Variants in ADGRB2 observed in about 807,000 individuals in gnomAD.
ADGRB2 encodes adhesion G protein-coupled receptor B2.
ADGRB2 carries 47 observed loss-of-function variants against 178.7 expected under a neutral mutation model. The observed-to-expected ratio is 0.26, with a 90% CI of 0.21 to 0.34. ADGRB2 has a LOEUF of 0.34. Among genes scored for constraint, ADGRB2 ranks in the 10% least tolerant of loss-of-function variants. The pLI is 1.00. For missense variants in ADGRB2, 1,584 were observed against 2,180.8 expected (o/e 0.73, Z 5.45); for synonymous variants, 870 against 912.4 (o/e 0.95, Z 0.84).
chr1:31,741,304 G>A lies in ADGRB2; in HGVS notation c.1794+69C>T, dbSNP rs1051615511. On this transcript the variant is annotated intron_variant, in intron 11 of 32. Transcript: ENST00000373658. This position sits in a 1 kb window ranked among gnomAD's most constrained non-coding sequence, Gnocchi z 6.5. ...GCACGTGGGAACGAGCGAGAATCAC[G>A]CTCCCTCCACCCCCTAGCAGAGTCT... 2.3e-5 allele frequency: 34 copies of A among 1,461,354 alleles called. No individual in the cohort carries two copies. Among genetic ancestry groups the A allele is most frequent in the African/African-American group, 2.8e-5 (2 of 71,264 alleles). 90.5% of individuals were successfully genotyped at this position (1,461,354 alleles called of 1,614,324 possible).
chr1:31,738,803 C>A, intron 16 of ADGRB2, 29 bp downstream of exon 16: 1 of 1,612,198 alleles, frequency 6.2e-7, no homozygotes, highest in Non-Finnish European at 8.5e-7. Context: ...TGAGGTGCAC[C>A]CAAGGTCTCT....
In ADGRB2 at chr1:31,761,790, T is replaced by C. The variant is rs992532835; in HGVS notation, c.-191+2094A>G. 2.0e-5 allele frequency among the ~76,000 whole-genome samples: 3 copies of C among 151,742 alleles called. No homozygotes were observed. The highest frequency in any genetic ancestry group is 6.6e-5 in the Admixed American group (1 of 15,238). Reference sequence around the variant, plus strand: ...CATTTTTCTCCTTTGGGATTAGGAGTGGAGTGGAGAGGGGCCTGACCTTGG... The same window carrying C: ...CATTTTTCTCCTTTGGGATTAGGAGCGGAGTGGAGAGGGGCCTGACCTTGG... On this transcript the variant is annotated intron_variant, in intron 1 of 32. Coordinates refer to ENST00000373658, the MANE Select transcript of ADGRB2 (RefSeq NM_001364857.2). This position sits in a 1 kb window ranked among gnomAD's most constrained non-coding sequence, Gnocchi z 4.2.
chr1:31,732,212 G>C, intron 27 of ADGRB2, 58 bp from the exon 28 acceptor site: 13 of 1,609,414 alleles, frequency 8.1e-6, no homozygotes, highest in Non-Finnish European at 8.5e-6. Flanking sequence ...ATCAGGGTGG[G>C]AGGAGGCTCA....
chr1:31,739,043 G>T, intron 15 of ADGRB2, 106 bp from the exon 16 acceptor site: 1 of 1,070,044 alleles, frequency 9.3e-7, no homozygotes, highest in Non-Finnish European at 1.4e-6. Context: ...AGGAGCCAAG[G>T]CCCAGGGGAA....
Position 31,741,418 on chromosome 1 carries a change from G to A in ADGRB2, c.1749C>T (p.Ser583=). Residue 583 remains serine (S), a synonymous_variant, in exon 11 of 33, where the codon AGC becomes AGT. Coordinates refer to ENST00000373658, the MANE Select transcript of ADGRB2 (RefSeq NM_001364857.2). This position sits in a 1 kb window ranked among gnomAD's most constrained non-coding sequence, Gnocchi z 6.5. ...AQGVAYWGLP[S]FARCISHEYR... ...ACTCATGGGAGATGCAGCGAGCAAA[G>A]CTGGGCAGCCCCCAGTACGCCACGC... The A allele has an allele frequency of 1.2e-6, 2 of 1,607,470 alleles. No individual in the cohort carries two copies. The highest frequency in any genetic ancestry group is 1.7e-6 in the Non-Finnish European group (2 of 1,177,252).
At position 31,733,431 on chromosome 1, in the gene ADGRB2, G is replaced by A. The variant is rs1273093086; in HGVS notation, c.3453-288C>T. 2.0e-5 allele frequency among the ~76,000 whole-genome samples: 3 copies of A among 152,222 alleles called. No homozygotes were observed. Among genetic ancestry groups the A allele is most frequent in the African/African-American group, 7.2e-5 (3 of 41,452 alleles). On this transcript the variant is annotated intron_variant, in intron 25 of 32. Coordinates refer to ENST00000373658, the MANE Select transcript of ADGRB2 (RefSeq NM_001364857.2). This position sits in a 1 kb window ranked among gnomAD's most constrained non-coding sequence, Gnocchi z 4.3. The stretch of plus-strand genomic sequence containing the variant: ...GCCACAGACAGTGGAAAGGGACGGG[G>A]AGAGAGAAGAGGAGGCAGACAGATG...
chr1:31,750,469 C>T (rs1431627755), intron 4 of ADGRB2, among the ~76,000 whole-genome samples: 3 of 152,178 alleles, frequency 2.0e-5, no homozygotes, highest in Admixed American at 2.0e-4. Context: ...ACTGCAGATA[C>T]CTGCTATGCT....
chr1:31,748,633 G>A (rs1023088296), intron 4 of ADGRB2, among the ~76,000 whole-genome samples: 1 of 152,250 alleles, frequency 6.6e-6, no homozygotes, highest in Non-Finnish European at 1.5e-5. Flanking sequence ...ACTCCTGAGT[G>A]TTCCACCCAG....
chr1:31,744,348 G>T lies in ADGRB2; in HGVS notation c.932C>A (p.Ala311Glu). Reference protein sequence around the residue: ...GLYMAQTGDPAAEEWSPWSVC... With the variant: ...GLYMAQTGDPEAEEWSPWSVC... ...GCTCCACGGGGACCACTCCTCAGCC[G>T]CCGGGTCGCCTACGAGAGAGGGACA... Residue 311 changes from alanine (A) to glutamate (E), a missense_variant, in exon 6 of 33, where the codon GCG becomes GAG. Ala to Glu is a moderately radical substitution (Grantham distance 107). This residue lies in a region of ADGRB2 where 657 missense variants were observed against 847.6 expected (regional missense o/e 0.78). Transcript: ENST00000373658. This position sits in a 1 kb window ranked among gnomAD's most constrained non-coding sequence, Gnocchi z 6.7. 1.9e-6 allele frequency: 3 copies of T among 1,550,290 alleles called. No homozygotes were observed. The highest frequency in any genetic ancestry group is 1.2e-5 in the South Asian group (1 of 84,000).
In ADGRB2 at chr1:31,728,093, G is replaced by GCT; in HGVS notation, c.4516-13_4516-12insAG. On this transcript the variant is annotated splice_polypyrimidine_tract_variant and intron_variant, in intron 31 of 32. Coordinates refer to ENST00000373658, the MANE Select transcript of ADGRB2 (RefSeq NM_001364857.2). The surrounding 1 kb of genome is among the most constrained non-coding windows in gnomAD (Gnocchi z 6.7). ...CACCGCTTCTCCCTCTGCAACGGGG[G>GCT]CCACCGGTCAGGCTCCAACCCCAGG... 6.2e-7 allele frequency: 1 copy of GCT among 1,609,954 alleles called. No homozygotes were observed.
Position 31,735,685 on chromosome 1 carries a change from G to A in ADGRB2, c.3268-20C>T, listed in dbSNP as rs758987679. The A allele has an allele frequency of 1.5e-5, 24 of 1,582,496 alleles. No homozygotes were observed. The highest frequency in any genetic ancestry group is 1.9e-5 in the Non-Finnish European group (22 of 1,159,812). ...GTTCACCTGGGGGCCCAGTAGAGTG[G>A]AGTGGGGGAGACAGGATCACCAGGT... On this transcript the variant is annotated intron_variant, in intron 23 of 32. Coordinates refer to ENST00000373658, the MANE Select transcript of ADGRB2 (RefSeq NM_001364857.2). This position sits in a 1 kb window ranked among gnomAD's most constrained non-coding sequence, Gnocchi z 6.0.
Position 31,756,064 on chromosome 1 carries a change from G to A in ADGRB2, c.773C>T (p.Pro258Leu). The A allele has an allele frequency of 1.2e-6, 2 of 1,614,076 alleles. No individual in the cohort carries two copies. Among genetic ancestry groups the A allele is most frequent in the Non-Finnish European group, 1.7e-6 (2 of 1,180,006 alleles). The change falls in exon 4 of 33, where the codon CCA becomes CTA. Residue 258 changes from proline to leucine, a missense_variant. Around this residue, in one of 3 missense-constraint regions of ADGRB2, gnomAD observed 657 missense variants for 847.6 expected, o/e 0.78. Transcript: ENST00000373658. This position sits in a 1 kb window ranked among gnomAD's most constrained non-coding sequence, Gnocchi z 8.5. ...SNALVPGGPA[P>L]PAEADLHSGS... is the part of the protein sequence containing the mutation. ...CGAGTGCAAATCGGCCTCAGCAGGT[G>A]GGGCTGGGCCCCCGGGCACCAGGGC...
rs1489522110 is a variant in ADGRB2, at chr1:31,731,017, G to A, written c.4163C>T (p.Thr1388Ile). 1 of 1,584,862 alleles carries A rather than the reference G, an allele frequency of 6.3e-7. No individual in the cohort carries two copies. The highest frequency in any genetic ancestry group is 8.6e-7 in the Non-Finnish European group (1 of 1,163,086). The change falls in exon 29 of 33, where the codon ACA becomes ATA. Residue 1388 changes from threonine (T) to isoleucine (I), a missense_variant. Coordinates refer to ENST00000373658, the MANE Select transcript of ADGRB2 (RefSeq NM_001364857.2). The stretch of plus-strand genomic sequence containing the variant: ...GGGGTAGCCTTCAGTGTGGGCCACT[G>A]TCTTGGCAGCTCGCCGGGGGGTCCC... ...PEGTPRRAAK[T>I]VAHTEGYPSF...
chr1:31,744,679 T>C lies in ADGRB2; in HGVS notation c.891A>G (p.Ala297=). The C allele has an allele frequency of 6.2e-7, 1 of 1,614,230 alleles. No homozygotes were observed. Among genetic ancestry groups the C allele is most frequent in the Admixed American group, 1.7e-5 (1 of 60,032 alleles). ...PKVKTQWPRS[A]DEPGLYMAQT... ...GCGCCATGTATAGCCCAGGCTCATC[T>C]GCAGACCTCGGCCACTGGGTTTTCA... Residue 297 remains alanine, a synonymous_variant, in exon 5 of 33, where the codon GCA becomes GCG. Coordinates refer to ENST00000373658, the MANE Select transcript of ADGRB2 (RefSeq NM_001364857.2). This position sits in a 1 kb window ranked among gnomAD's most constrained non-coding sequence, Gnocchi z 6.7.
Position 31,727,858 on chromosome 1 carries a change from C to T in ADGRB2, c.4572+167G>A, listed in dbSNP as rs182978494. On this transcript the variant is annotated intron_variant, in intron 32 of 32. Coordinates refer to ENST00000373658, the MANE Select transcript of ADGRB2 (RefSeq NM_001364857.2). This position sits in a 1 kb window ranked among gnomAD's most constrained non-coding sequence, Gnocchi z 4.4. ...ATCCTGGAGGACCTCCACCCCTGTT[C>T]GCCATCTGCAGCACCTTCCCCACCC... 266 of 1,002,826 alleles carry T rather than the reference C, an allele frequency of 2.7e-4. No individual in the cohort carries two copies. The highest frequency in any genetic ancestry group is 1.7e-3 in the Admixed American group (58 of 34,782). 62.1% of individuals were successfully genotyped at this position (1,002,826 alleles called of 1,614,324 possible).
Position 31,763,903 on chromosome 1 carries a change from G to T in ADGRB2, c.-210C>A. ...ACTCACCTGGGCGCCGTCAGCAGCA[G>T]GAGCGGGGGCCGGCGCTGGCGGGGG... On this transcript the variant is annotated 5_prime_UTR_variant, in exon 1 of 33. It adds an upstream start codon to the 5' untranslated region. Coordinates refer to ENST00000373658, the MANE Select transcript of ADGRB2 (RefSeq NM_001364857.2). 1.0e-6 allele frequency: 1 copy of T among 985,664 alleles called. No homozygotes were observed. The highest frequency in any genetic ancestry group is 4.7e-5 in the South Asian group (1 of 21,442). The allele number at this position is 985,664 out of a possible 1,614,324, so 61.1% of individuals were successfully genotyped here. A position where few individuals can be genotyped will look rare whatever the true frequency, so the allele number is the denominator to read the frequency against.
In ADGRB2 at chr1:31,741,589, G is replaced by A. The variant is rs760132796; in HGVS notation, c.1687+35C>T. On this transcript the variant is annotated intron_variant, in intron 10 of 32. Transcript: ENST00000373658. The surrounding 1 kb of genome is among the most constrained non-coding windows in gnomAD (Gnocchi z 6.5). ...AGAAGGGGGCAATGAGAATGGCAGG[G>A]GTGGTGGTGGTGGGGAAAGCCACCT... 6 of 1,593,356 alleles carry A rather than the reference G, an allele frequency of 3.8e-6. No homozygotes were observed. In the South Asian group the frequency reaches 6.7e-5, roughly 18 times the overall value.
chr1:31,751,528 C>T (rs1557781998), intron 4 of ADGRB2, among the ~76,000 whole-genome samples: 1 of 152,208 alleles, frequency 6.6e-6, no homozygotes, highest in African/African-American at 2.4e-5. Context: ...AACACATCCC[C>T]AATGTGTGCT....
chr1:31,744,610 G>T lies in ADGRB2; in HGVS notation c.922+38C>A. 1 of 1,606,564 alleles carries T rather than the reference G, an allele frequency of 6.2e-7. No individual in the cohort carries two copies. The highest frequency in any genetic ancestry group is 8.5e-7 in the Non-Finnish European group (1 of 1,175,088). Reference sequence around the variant, plus strand: ...CACACCACCAGACGCACACAGTCGGGCCCCCGCCGCAGAGGAAGGGAGGCG... The same window carrying T: ...CACACCACCAGACGCACACAGTCGGTCCCCCGCCGCAGAGGAAGGGAGGCG... On this transcript the variant is annotated intron_variant, in intron 5 of 32. Coordinates refer to ENST00000373658, the MANE Select transcript of ADGRB2 (RefSeq NM_001364857.2). This position sits in a 1 kb window ranked among gnomAD's most constrained non-coding sequence, Gnocchi z 6.7.
Sources: gnomAD v4.1 joint callset for allele counts (sites outside exome capture counted in the v4.1 genomes callset) on GRCh38, gnomAD v4.1.1 for gene constraint, gnomAD v4.1.1 regional missense constraint, Gnocchi (gnomAD v3.1) non-coding constraint, MANE v1.5 for transcripts, NCBI Gene and HGNC (gene_info 2026-07-23, HGNC 2026-07-21) for gene names.